PKHD1: variants seen among roughly 807,000 people sequenced by gnomAD.
The protein encoded by PKHD1 is fibrocystin.
Under a neutral mutation model 412.0 loss-of-function variants are expected in PKHD1, and 291 were observed. That is an observed-to-expected ratio of 0.71 (90% CI 0.64 to 0.78). The LOEUF is 0.78. Among genes scored for constraint, PKHD1 ranks in the 30% least tolerant of loss-of-function variants. The pLI, the probability that PKHD1 is intolerant of heterozygous loss-of-function variation, is 0.00. For missense variants in PKHD1, 4,825 were observed against 4,950.7 expected (o/e 0.97, Z 0.76); for synonymous variants, 1,777 against 1,821.5 (o/e 0.98, Z 0.62).
chr6:51,648,947 G>GA (rs1488544664), intron 62 of PKHD1, 138 bp downstream of exon 62: 8 of 797,478 alleles, frequency 1.0e-5, no homozygotes, highest in Admixed American at 8.9e-5. Context: ...TGAAAGTAGT[G>GA]AGAAGCTCTA....
In PKHD1 at chr6:52,054,030, T is replaced by A; in HGVS notation, c.1964+8A>T. ...AATTCCCACCACGCCTCCCCACCGATTAGCTACCTCTCGGGGCTGGTCCTC... is the reference window on the plus strand; with the variant it reads ...AATTCCCACCACGCCTCCCCACCGAATAGCTACCTCTCGGGGCTGGTCCTC... On this transcript the variant is annotated splice_region_variant and intron_variant, in intron 20 of 66. Transcript: ENST00000371117. 6.2e-7 allele frequency: 1 copy of A among 1,613,838 alleles called. No individual in the cohort carries two copies. The highest frequency in any genetic ancestry group is 1.7e-5 in the Admixed American group (1 of 60,012).
At chr6:52,080,683 T>C (rs972336998) in intron 4 of PKHD1, among the ~76,000 whole-genome samples, 10 of 152,240 alleles carry the variant, frequency 6.6e-5, no homozygotes, top group Admixed American at 5.9e-4. Flanking sequence ...ACTAGTCTTA[T>C]GTGCTTATCA....
chr6:52,067,893 T>C (rs1809992555), intron 11 of PKHD1, among the ~76,000 whole-genome samples: 1 of 152,008 alleles, frequency 6.6e-6, no homozygotes, highest in South Asian at 2.1e-4. Flanking sequence ...ATATGCTTGA[T>C]GTAGAGAAAG....
At chr6:51,856,581 T>C (rs965064488) in intron 48 of PKHD1, among the ~76,000 whole-genome samples, 3 of 152,160 alleles carry the variant, frequency 2.0e-5, no homozygotes, top group African/African-American at 7.2e-5. Flanking sequence ...TGAGGAACAA[T>C]TGACAGAGGC....
chr6:51,639,354 C>T (rs969014645), intron 63 of PKHD1, among the ~76,000 whole-genome samples: 7 of 151,720 alleles, frequency 4.6e-5, no homozygotes, highest in African/African-American at 1.7e-4. Context: ...AATATATTGG[C>T]TATATTATTA....
chr6:51,981,305 C>CTG (rs1795123911), intron 35 of PKHD1, among the ~76,000 whole-genome samples: 3 of 32,900 alleles, frequency 9.1e-5, no homozygotes, highest in African/African-American at 1.9e-4. Context: ...GGCTCCAAAG[C>CTG]TCAAGCTCTC....
intron 5 of PKHD1, among the ~76,000 whole-genome samples, chr6:52,078,487 G>A (rs1334344980): frequency 6.6e-6 from 1 of 152,114 alleles, no homozygotes. Context: ...GCAGTGGACT[G>A]GCAAGATGGG....
chr6:52,043,016 A>G lies in PKHD1; in HGVS notation c.2940T>C (p.Asn980=), dbSNP rs2128182745. The change falls in exon 27 of 67, where the codon AAT becomes AAC. Residue 980 remains asparagine (N), a synonymous_variant. Coordinates refer to ENST00000371117, the MANE Select transcript of PKHD1 (RefSeq NM_138694.4). ...SCKVIFSNQT[N]VVCQTDLLPV... is the part of the protein sequence containing the mutation. ...GTAGCAAATCTGTCTGACAGACTAC[A>G]TTGGTCTGGTTTGAGAAAATAACTT... is the stretch of plus-strand genomic sequence containing the variant. 2 of 1,614,074 alleles carry G rather than the reference A, an allele frequency of 1.2e-6. No homozygotes were observed. The highest frequency in any genetic ancestry group is 1.7e-6 in the Non-Finnish European group (2 of 1,179,930).
At chr6:52,006,568 G>A (rs1581706720) in intron 35 of PKHD1, among the ~76,000 whole-genome samples, 1 of 152,060 alleles carries the variant, frequency 6.6e-6, no homozygotes, top group African/African-American at 2.4e-5. Flanking sequence ...GTAGAGATGG[G>A]GTTTCACCAT....
chr6:51,621,365 T>A (rs1007295313), intron 66 of PKHD1, among the ~76,000 whole-genome samples: 1 of 152,100 alleles, frequency 6.6e-6, no homozygotes, highest in African/African-American at 2.4e-5. Context: ...AATAATAAAT[T>A]ATCAGGTAGA....
chr6:51,868,684 T>C (rs903784499), intron 47 of PKHD1, among the ~76,000 whole-genome samples: 2 of 152,094 alleles, frequency 1.3e-5, no homozygotes, highest in African/African-American at 4.8e-5. Context: ...CTTTCATTCC[T>C]CTGTGGTGAG....
rs942575733 is a variant in PKHD1 at position 51,903,759 on chromosome 6, A to T, written c.6866-32T>A. 5 of 1,591,722 alleles carry T rather than the reference A, an allele frequency of 3.1e-6. No homozygotes were observed. In the African/African-American group the frequency reaches 5.4e-5, roughly 17 times the overall value. On this transcript the variant is annotated intron_variant, in intron 42 of 66. Transcript: ENST00000371117. ...TTTCAACAAATCCAGGGGATCCACA[A>T]ACATAATTAAAATGTACTCAACTCA...
At chr6:51,898,553 G>A (rs1354115770) in intron 43 of PKHD1, among the ~76,000 whole-genome samples, 3 of 144,846 alleles carry the variant, frequency 2.1e-5, no homozygotes, top group East Asian at 4.0e-4. Context: ...ATGCCCACAG[G>A]AGAAAGCAGG....
At chr6:51,959,849 C>A in intron 36 of PKHD1, 21 bp downstream of exon 36, 3 of 1,605,334 alleles carry the variant, frequency 1.9e-6, no homozygotes, top group Non-Finnish European at 2.6e-6. Flanking sequence ...ATAATATTAC[C>A]AACCTACAAA....
intron 35 of PKHD1, among the ~76,000 whole-genome samples, chr6:51,995,195 A>C (rs1797585162): frequency 6.6e-6 from 1 of 152,224 alleles, no homozygotes; most frequent in Non-Finnish European, 1.5e-5. Flanking sequence ...AGAGAACAGC[A>C]GCTACATGTT....
chr6:51,843,505 G>C (rs1312647763), intron 50 of PKHD1, among the ~76,000 whole-genome samples: 5 of 152,200 alleles, frequency 3.3e-5, no homozygotes, highest in Admixed American at 1.3e-4. Flanking sequence ...AGCAGGGAAA[G>C]AGGCAGTGGG....
intron 57 of PKHD1, among the ~76,000 whole-genome samples, 154 bp downstream of exon 57, chr6:51,753,047 A>C (rs1373958264): frequency 6.6e-6 from 1 of 152,246 alleles, no homozygotes; most frequent in Non-Finnish European, 1.5e-5. Flanking sequence ...AGCACAGATT[A>C]GGACTGAAAA....
chr6:52,056,737 G>A lies in PKHD1; in HGVS notation c.1654C>T (p.Leu552Phe), dbSNP rs748509463. 1.2e-6 allele frequency: 2 copies of A among 1,613,944 alleles called. No individual in the cohort carries two copies. Among genetic ancestry groups the A allele is most frequent in the East Asian group, 4.5e-5 (2 of 44,878 alleles). ...AGCCGGAGAAGGATGTTAGACCAAA[G>A]GGGTTCCAGTTTGCATTTTACTGCA... ...LLAVKCKLEP[L>F]WSNILLRLGF... Residue 552 changes from leucine to phenylalanine, a missense_variant, in exon 18 of 67, where the codon CTT becomes TTT. Physicochemically the swap from Leu to Phe is conservative, Grantham distance 22. Transcript: ENST00000371117.
chr6:51,669,404 AT>A (rs1374510185), intron 60 of PKHD1, among the ~76,000 whole-genome samples: 1 of 151,906 alleles, frequency 6.6e-6, no homozygotes, highest in African/African-American at 2.4e-5. Flanking sequence ...CCCCTTTATC[AT>A]TTTTTATTGC....
Sources: allele counts gnomAD v4.1 joint callset (sites outside exome capture counted in the v4.1 genomes callset), GRCh38; gene constraint gnomAD v4.1.1; transcripts MANE v1.5; gene names NCBI Gene and HGNC (gene_info 2026-07-23, HGNC 2026-07-21).